Variants in TENM4 observed in about 807,000 individuals in gnomAD.
TENM4 encodes the protein teneurin-4.
In TENM4, 82 loss-of-function variants were observed where a neutral mutation model predicts 243.3. That is an observed-to-expected ratio of 0.34 (90% CI 0.28 to 0.40). The LOEUF is 0.40. Among genes scored for constraint, TENM4 ranks in the 10% least tolerant of loss-of-function variants. The pLI is 1.00. For synonymous variants in TENM4, 1,412 were observed against 1,456.3 expected (o/e 0.97, Z 0.69); for missense variants, 3,138 against 3,673.3 (o/e 0.85, Z 3.77).
At chr11:79,374,528 C>A (rs1009458497) in intron 1 of TENM4, among the ~76,000 whole-genome samples, 3 of 149,006 alleles carry the variant, frequency 2.0e-5, no homozygotes, top group Admixed American at 6.6e-5. Flanking sequence ...TTGTTTCCAA[C>A]TATATATATC....
At chr11:79,154,849 T>C (rs1862572362) in intron 3 of TENM4, among the ~76,000 whole-genome samples, 1 of 152,160 alleles carries the variant, frequency 6.6e-6, no homozygotes, top group Admixed American at 6.5e-5. Flanking sequence ...CCCACCTGTA[T>C]GTTGTCCACC....
chr11:78,831,665 C>T (rs971951068), intron 12 of TENM4, among the ~76,000 whole-genome samples: 2 of 152,164 alleles, frequency 1.3e-5, no homozygotes, highest in Admixed American at 6.5e-5. Flanking sequence ...ACAGGAGGAG[C>T]GGCAGAACTG....
At position 78,812,278 on chromosome 11, in the gene TENM4, T is replaced by G. The variant is rs760808415; in HGVS notation, c.1822A>C (p.Met608Leu). 9.1e-5 allele frequency: 141 copies of G among 1,551,784 alleles called. No individual in the cohort carries two copies. Among genetic ancestry groups the G allele is most frequent in the Non-Finnish European group, 1.2e-4 (132 of 1,147,082 alleles). Residue 608 changes from methionine (M) to leucine (L), a missense_variant, in exon 14 of 34, where the codon ATG (methionine) becomes CTG (leucine). Met to Leu is a conservative substitution (Grantham distance 15, BLOSUM62 2). Around this residue, in one of 2 missense-constraint regions of TENM4, gnomAD observed 2,467 missense variants for 3,059.1 expected, o/e 0.81. Transcript: ENST00000278550. ...CTGTGGCACAAGCATCTGCCTTTCA[T>G]GTATTGGCCATTTCCGCTACAGAGC... The part of the protein sequence containing the change: ...PVLCSGNGQY[M>L]KGRCLCHSGW...
At chr11:79,282,338 G>A (rs891976978) in intron 2 of TENM4, among the ~76,000 whole-genome samples, 6 of 152,104 alleles carry the variant, frequency 3.9e-5, no homozygotes, top group Admixed American at 1.3e-4. Context: ...TGTGTGACCC[G>A]ATACTCCAGG....
At chr11:79,082,688 A>G (rs891609165) in intron 4 of TENM4, among the ~76,000 whole-genome samples, 1 of 152,142 alleles carries the variant, frequency 6.6e-6, no homozygotes, top group East Asian at 1.9e-4. Context: ...AGGTGTGACT[A>G]TGGGTCCTCA....
At chr11:78,834,499 G>GT (rs1389614126) in intron 12 of TENM4, among the ~76,000 whole-genome samples, 2 of 152,204 alleles carry the variant, frequency 1.3e-5, no homozygotes, top group African/African-American at 2.4e-5. Flanking sequence ...AGGTGATGGA[G>GT]TGGGGACCCA....
chr11:79,300,501 T>C (rs1856533353), intron 1 of TENM4, among the ~76,000 whole-genome samples: 1 of 152,214 alleles, frequency 6.6e-6, no homozygotes, highest in Non-Finnish European at 1.5e-5. Flanking sequence ...TTATACTGTA[T>C]TGCTTAACAT....
chr11:79,129,859 G>A (rs767797789), intron 4 of TENM4, among the ~76,000 whole-genome samples: 14 of 152,072 alleles, frequency 9.2e-5, no homozygotes, highest in South Asian at 8.3e-4. Context: ...CCCACCCACC[G>A]CTGGTTCCTC....
intron 6 of TENM4, among the ~76,000 whole-genome samples, chr11:78,983,074 T>C (rs992486193): frequency 1.3e-5 from 2 of 152,202 alleles, no homozygotes; most frequent in Admixed American, 6.5e-5. Flanking sequence ...TGCCGGTATC[T>C]TTTCTTGAAG....
chr11:79,176,159 A>C (rs1177446567), intron 3 of TENM4, among the ~76,000 whole-genome samples: 5 of 152,306 alleles, frequency 3.3e-5, no homozygotes. Flanking sequence ...TTCATAAAAT[A>C]TTTGTTGGGA....
At chr11:79,017,761 C>T (rs964631744) in intron 6 of TENM4, among the ~76,000 whole-genome samples, 1 of 152,184 alleles carries the variant, frequency 6.6e-6, no homozygotes, top group Admixed American at 6.5e-5. Flanking sequence ...TGAGTCTGTG[C>T]TCTTGAAATG....
intron 1 of TENM4, among the ~76,000 whole-genome samples, chr11:79,371,462 G>A (rs770793031): frequency 1.2e-4 from 18 of 152,168 alleles, no homozygotes; most frequent in Non-Finnish European, 2.1e-4. Context: ...TATGGGCCAA[G>A]ACAAGATCCT....
chr11:79,278,597 C>T (rs1015242856), intron 2 of TENM4, among the ~76,000 whole-genome samples: 9 of 152,132 alleles, frequency 5.9e-5, no homozygotes, highest in African/African-American at 1.2e-4. Context: ...CAGAAGCACC[C>T]GAATTCTTGC....
At chr11:79,122,308 C>A (rs770062336) in intron 4 of TENM4, among the ~76,000 whole-genome samples, 15 of 152,096 alleles carry the variant, frequency 9.9e-5, no homozygotes, top group Non-Finnish European at 1.8e-4. Flanking sequence ...TTATATTTGT[C>A]GGGCACTGTT....
At chr11:79,397,731 C>A (rs942483693) in intron 1 of TENM4, among the ~76,000 whole-genome samples, 1 of 152,188 alleles carries the variant, frequency 6.6e-6, no homozygotes, top group African/African-American at 2.4e-5. Context: ...GGCAATGTTT[C>A]TCTTATCTCA....
chr11:78,761,036 T>C (rs1214376789), intron 18 of TENM4, among the ~76,000 whole-genome samples: 2 of 152,240 alleles, frequency 1.3e-5, no homozygotes, highest in African/African-American at 4.8e-5. Flanking sequence ...CTTTAGTCAT[T>C]TAAAAGTGTA....
At chr11:79,064,032 A>G (rs1041840566) in intron 6 of TENM4, among the ~76,000 whole-genome samples, 13 of 152,114 alleles carry the variant, frequency 8.5e-5, no homozygotes, top group African/African-American at 3.1e-4. Context: ...ATACCTAAAT[A>G]CCCTGTGGAA....
chr11:78,696,727 G>C (rs777629306), intron 28 of TENM4, among the ~76,000 whole-genome samples: 1 of 152,132 alleles, frequency 6.6e-6, no homozygotes. Context: ...CTCAGAGAGG[G>C]TCTCTTTCCA....
Position 78,891,226 on chromosome 11 carries a change from G to T in TENM4, c.848+12C>A, listed in dbSNP as rs1316688581. ...GAGCACACACAGAGAGGAGAATGGG[G>T]ATGTCACCTACCCGTCACTGTAAGC... On this transcript the variant is annotated intron_variant, in intron 8 of 33. Transcript: ENST00000278550. The T allele has an allele frequency of 6.4e-7, 1 of 1,551,090 alleles. No homozygotes were observed. Among genetic ancestry groups the T allele is most frequent in the Admixed American group, 2.0e-5 (1 of 51,008 alleles).
Sources: allele counts gnomAD v4.1 joint callset (sites outside exome capture counted in the v4.1 genomes callset), GRCh38; gene constraint gnomAD v4.1.1; regional missense constraint gnomAD v4.1.1; transcripts MANE v1.5; gene names NCBI Gene and HGNC (gene_info 2026-07-23, HGNC 2026-07-21).